ZDHHC21: variants seen among roughly 807,000 people sequenced by gnomAD.
The protein encoded by ZDHHC21 is palmitoyltransferase ZDHHC21.
ZDHHC21 carries 15 observed loss-of-function variants against 34.6 expected under a neutral mutation model. The ratio of observed to expected loss-of-function variants is 0.43; its 90% CI spans 0.29 to 0.67. ZDHHC21 has a LOEUF of 0.67. Ranked by LOEUF, ZDHHC21 falls within the 30% of genes least tolerant of loss-of-function variation. ZDHHC21 has a pLI of 0.14. For missense variants in ZDHHC21, 344 were observed against 327.7 expected (o/e 1.05, Z -0.38); for synonymous variants, 142 against 101.8 (o/e 1.40, Z -2.38).
At chr9:14,627,148 T>G (rs1826413359) in intron 8 of ZDHHC21, among the ~76,000 whole-genome samples, 1 of 152,178 alleles carries the variant, frequency 6.6e-6, no homozygotes, top group Admixed American at 6.5e-5. Context: ...AATTAATCAT[T>G]TGAGGACTAC....
At chr9:14,629,679 G>A (rs1030121030) in intron 8 of ZDHHC21, among the ~76,000 whole-genome samples, 2 of 152,070 alleles carry the variant, frequency 1.3e-5, no homozygotes, top group Non-Finnish European at 2.9e-5. Context: ...TAATATTTTT[G>A]CTGGTAGGGG....
intron 8 of ZDHHC21, among the ~76,000 whole-genome samples, chr9:14,637,427 T>C (rs1447788516): frequency 6.6e-6 from 1 of 151,880 alleles, no homozygotes; most frequent in East Asian, 1.9e-4. Context: ...CAAAGAAAAG[T>C]CCAGGACCCA....
intron 8 of ZDHHC21, among the ~76,000 whole-genome samples, chr9:14,629,667 T>C (rs987844097): frequency 3.3e-5 from 5 of 152,166 alleles, no homozygotes; most frequent in Non-Finnish European, 7.4e-5. Context: ...TTCAGGGAGA[T>C]GTAATATTTT....
chr9:14,692,642 T>C (rs1024022069), intron 1 of ZDHHC21, among the ~76,000 whole-genome samples: 1 of 142,086 alleles, frequency 7.0e-6, no homozygotes, highest in Admixed American at 7.4e-5. Context: ...CCTGTTACAG[T>C]GAACAGTAAC....
downstream of ZDHHC21, among the ~76,000 whole-genome samples, chr9:14,606,493 G>A (rs1484252159): frequency 5.9e-5 from 9 of 152,166 alleles, no homozygotes; most frequent in Admixed American, 5.9e-4. Context: ...GGCTTCTGTT[G>A]ATTGCAGTTG....
intron 2 of ZDHHC21, among the ~76,000 whole-genome samples, chr9:14,689,836 T>A (rs1213787218): frequency 1.3e-5 from 2 of 152,196 alleles, no homozygotes; most frequent in East Asian, 3.9e-4. Context: ...CACAGCCCAC[T>A]GCAGCCTCAG....
At position 14,636,982 on chromosome 9, in the gene ZDHHC21, G is replaced by A. The variant is rs185459321; in HGVS notation, c.621+2914C>T. Among the ~76,000 whole-genome samples the A allele has an allele frequency of 1.2e-3, 177 of 152,076 alleles. 1 individual carries two copies. The highest frequency in any genetic ancestry group is 4.0e-4 in the Non-Finnish European group (27 of 67,932). ...GATTTCAAGCAAATAGTCTAATGAT[G>A]CACCTCAAGGAACCAGAAAAGCAAG... On this transcript the variant is annotated intron_variant, in intron 8 of 9. Transcript: ENST00000380916.
chr9:14,679,027 T>A (rs1836905914), intron 3 of ZDHHC21, among the ~76,000 whole-genome samples: 1 of 152,062 alleles, frequency 6.6e-6, no homozygotes, highest in Non-Finnish European at 1.5e-5. Flanking sequence ...GAGGGAACTC[T>A]CTGTGGTGCT....
intron 2 of ZDHHC21, among the ~76,000 whole-genome samples, chr9:14,687,487 A>G (rs1386516851): frequency 6.6e-6 from 1 of 150,712 alleles, no homozygotes; most frequent in Non-Finnish European, 1.5e-5. Context: ...CCTGGCCAAC[A>G]TGTTAAAACC....
At chr9:14,662,680 T>C (rs1196499643) in intron 5 of ZDHHC21, among the ~76,000 whole-genome samples, 1 of 152,200 alleles carries the variant, frequency 6.6e-6, no homozygotes, top group African/African-American at 2.4e-5. Flanking sequence ...AACAATTTTA[T>C]TTAAACAAAT....
intron 8 of ZDHHC21, among the ~76,000 whole-genome samples, chr9:14,624,328 G>A (rs1825842816): frequency 6.6e-6 from 1 of 151,948 alleles, no homozygotes; most frequent in Non-Finnish European, 1.5e-5. Context: ...GGAGAGTGAG[G>A]GACAACTGTA....
rs1481663295 is a variant in ZDHHC21, at chr9:14,616,977, A to T, written c.*1989T>A. On this transcript the variant is annotated 3_prime_UTR_variant, in exon 10 of 10. Transcript: ENST00000380916. Reference sequence around the variant, plus strand: ...CCTGCCCAGTACCCACTGCTACTACATGAAGTATAAATTAGCCACAAAGTT... The same window carrying T: ...CCTGCCCAGTACCCACTGCTACTACTTGAAGTATAAATTAGCCACAAAGTT... 2 of 151,894 alleles carry T rather than the reference A, an allele frequency of 1.3e-5. No homozygotes were observed. Among genetic ancestry groups the T allele is most frequent in the African/African-American group, 2.4e-5 (1 of 41,428 alleles). The allele number at this position is 151,894 out of a possible 1,614,324, so 9.4% of individuals were successfully genotyped here.
chr9:14,654,580 T>C (rs893441421), intron 7 of ZDHHC21, among the ~76,000 whole-genome samples: 7 of 151,912 alleles, frequency 4.6e-5, no homozygotes, highest in South Asian at 2.1e-4. Flanking sequence ...GTTAAAGTTA[T>C]CAAACACAGA....
In ZDHHC21 at chr9:14,682,600, T is replaced by C. The variant is rs185970717; in HGVS notation, c.-175-2438A>G. ...CCCACACAATAATAATGGGAGACTT[T>C]AGCACTCTACTGTCAACATTAGATC... On this transcript the variant is annotated intron_variant, in intron 2 of 9. Coordinates refer to ENST00000380916, the MANE Select transcript of ZDHHC21 (RefSeq NM_178566.6). Among the ~76,000 whole-genome samples the C allele has an allele frequency of 3.7e-4, 57 of 152,290 alleles. 1 individual carries two copies. In the East Asian group the frequency reaches 4.8e-3, roughly 13 times the overall value.
At chr9:14,603,183 T>C in the ZDHHC21 span, among the ~76,000 whole-genome samples, 1 of 152,118 alleles carries the variant, frequency 6.6e-6, no homozygotes, top group Non-Finnish European at 1.5e-5. Context: ...ATACATTTTG[T>C]TGTGTTTAAA....
chr9:14,646,221 T>C lies in ZDHHC21; in HGVS notation c.505-6209A>G, dbSNP rs79286107. ...TTATGAGGATTCACAACAATGAAAATAAACTGTATCTAAAGTAACAAAAAG... is the reference window on the plus strand; with the variant it reads ...TTATGAGGATTCACAACAATGAAAACAAACTGTATCTAAAGTAACAAAAAG... On this transcript the variant is annotated intron_variant, in intron 7 of 9. Coordinates refer to ENST00000380916, the MANE Select transcript of ZDHHC21 (RefSeq NM_178566.6). 5.2e-3 allele frequency among the ~76,000 whole-genome samples: 788 copies of C among 152,142 alleles called. 9 individuals carry two copies. The highest frequency in any genetic ancestry group is 0.018 in the African/African-American group (751 of 41,518).
intron 7 of ZDHHC21, among the ~76,000 whole-genome samples, chr9:14,649,025 CA>C (rs950870106): frequency 6.6e-6 from 1 of 151,798 alleles, no homozygotes; most frequent in Non-Finnish European, 1.5e-5. Flanking sequence ...TGTTTTGTTA[CA>C]GGGGACACTC....
intron 8 of ZDHHC21, among the ~76,000 whole-genome samples, chr9:14,620,376 G>A (rs1432586591): frequency 6.6e-6 from 1 of 151,806 alleles, no homozygotes; most frequent in Non-Finnish European, 1.5e-5. Context: ...CTGGCAAATT[G>A]TTATAAGCAA....
At chr9:14,602,523 A>C in the ZDHHC21 span, among the ~76,000 whole-genome samples, 8 of 152,042 alleles carry the variant, frequency 5.3e-5, no homozygotes, top group Admixed American at 2.0e-4. Context: ...GGTCTTTTCC[A>C]ATGCACACAC....
Sources: allele counts gnomAD v4.1 joint callset (sites outside exome capture counted in the v4.1 genomes callset), GRCh38; gene constraint gnomAD v4.1.1; transcripts MANE v1.5; gene names NCBI Gene and HGNC (gene_info 2026-07-23, HGNC 2026-07-21).